Variants in HTR3B observed in about 807,000 individuals in gnomAD.
HTR3B encodes 5-hydroxytryptamine (serotonin) receptor 3B, ionotropic.
HTR3B carries 44 observed loss-of-function variants against 42.8 expected under a neutral mutation model. That is an observed-to-expected ratio of 1.03 (90% CI 0.81 to 1.32). HTR3B has a LOEUF of 1.32. Among genes scored for constraint, HTR3B ranks in the 40% most tolerant of loss-of-function variants. The pLI, the probability that HTR3B is intolerant of heterozygous loss-of-function variation, is 0.00. For synonymous variants in HTR3B, 203 were observed against 209.0 expected, an observed-to-expected ratio of 0.97 and a Z score of 0.25; for missense variants, 527 against 536.5, an observed-to-expected ratio of 0.98 and a Z score of 0.17.
intron 2 of HTR3B, among the ~76,000 whole-genome samples, chr11:113,918,268 CGTGT>C (rs60519849): frequency 2.0e-3 from 301 of 146,972 alleles, no homozygotes; most frequent in Admixed American, 3.2e-3. Flanking sequence ...TGTGTGTACT[CGTGT>C]GTGTGTGTGT....
At chr11:113,916,490 T>G (rs1263951569) in intron 2 of HTR3B, among the ~76,000 whole-genome samples, 7 of 152,234 alleles carry the variant, frequency 4.6e-5, no homozygotes, top group Non-Finnish European at 7.3e-5. Flanking sequence ...GTGAATCTTC[T>G]AATCTCGTTC....
In HTR3B at chr11:113,933,009, C is replaced by T. The variant is rs1297048661; in HGVS notation, c.612C>T (p.Asp204=). The T allele has an allele frequency of 1.2e-5, 20 of 1,614,024 alleles. No homozygotes were observed. Among genetic ancestry groups the T allele is most frequent in the Non-Finnish European group, 1.7e-5 (20 of 1,179,998 alleles). The part of the protein sequence containing the change: ...IQHDKKAFLN[D]SEWELLSVSS... ...ATGACAAAAAGGCGTTTTTGAATGA[C>T]AGTGAGTGGGAACTTCTATCTGTGT... The change falls in exon 6 of 9, where the codon GAC becomes GAT. Residue 204 remains aspartate (D), a synonymous_variant. Transcript: ENST00000260191.
At chr11:113,938,458 T>C (rs1478398321) in intron 6 of HTR3B, among the ~76,000 whole-genome samples, 1 of 152,096 alleles carries the variant, frequency 6.6e-6, no homozygotes, top group Non-Finnish European at 1.5e-5. Context: ...GCAAAATTTC[T>C]CTCCTGCAAC....
intron 2 of HTR3B, among the ~76,000 whole-genome samples, chr11:113,920,445 G>A (rs1003868274): frequency 1.3e-5 from 2 of 151,580 alleles, no homozygotes; most frequent in South Asian, 2.1e-4. Context: ...GCATGATCTC[G>A]GCTCACAGTA....
chr11:113,943,237 T>G, intron 7 of HTR3B, 45 bp downstream of exon 7: 1 of 1,469,344 alleles, frequency 6.8e-7, no homozygotes, highest in Non-Finnish European at 9.4e-7. Context: ...ACATGACCCC[T>G]GTGAAAGATC....
At chr11:113,945,171 G>C (rs548841194) in intron 8 of HTR3B, among the ~76,000 whole-genome samples, 1 of 152,140 alleles carries the variant, frequency 6.6e-6, no homozygotes, top group Non-Finnish European at 1.5e-5. Flanking sequence ...ATCTCGCTCT[G>C]TCGCCCAGGC....
At chr11:113,928,447 A>G (rs753027386) in intron 2 of HTR3B, among the ~76,000 whole-genome samples, 1 of 152,204 alleles carries the variant, frequency 6.6e-6, no homozygotes, top group Non-Finnish European at 1.5e-5. Context: ...TTTAAGTGGA[A>G]TCAGGCAGTA....
At chr11:113,913,460 C>T (rs962479980) in intron 2 of HTR3B, among the ~76,000 whole-genome samples, 1 of 145,240 alleles carries the variant, frequency 6.9e-6, no homozygotes, top group African/African-American at 2.6e-5. Flanking sequence ...ATCCGCCTGC[C>T]TTGGCCTCCC....
intron 6 of HTR3B, among the ~76,000 whole-genome samples, chr11:113,940,583 TG>T (rs1215620545): frequency 6.6e-6 from 1 of 152,234 alleles, no homozygotes; most frequent in African/African-American, 2.4e-5. Flanking sequence ...TGCAAAGCAG[TG>T]AGTGTCGCTC....
At chr11:113,906,729 C>G (rs1949737151) in intron 1 of HTR3B, among the ~76,000 whole-genome samples, 1 of 152,162 alleles carries the variant, frequency 6.6e-6, no homozygotes, top group African/African-American at 2.4e-5. Flanking sequence ...CCTTCACTTG[C>G]AAGCTTCATG....
intron 2 of HTR3B, among the ~76,000 whole-genome samples, chr11:113,918,492 A>G (rs1237412675): frequency 6.6e-6 from 1 of 152,026 alleles, no homozygotes; most frequent in Admixed American, 6.6e-5. Flanking sequence ...TATTATATAA[A>G]TGGAATCATA....
chr11:113,907,115 T>C (rs1949739747), intron 1 of HTR3B, among the ~76,000 whole-genome samples: 1 of 152,188 alleles, frequency 6.6e-6, no homozygotes, highest in Non-Finnish European at 1.5e-5. Context: ...GTTCTTATCT[T>C]CCTCCTTTTC....
rs141929936 is a variant in HTR3B at position 113,917,432 on chromosome 11, C to T, written c.213+7977C>T. Among the ~76,000 whole-genome samples, 471 of 152,124 alleles carry T rather than the reference C, an allele frequency of 3.1e-3. 4 individuals carry two copies. Among genetic ancestry groups the T allele is most frequent in the African/African-American group, 0.011 (436 of 41,484 alleles). ...ACAGCCGTGAGCCACTGCACCCGGCCGAAATCTTCTATTTTTTTTCTTCCA... is the reference window on the plus strand; with the variant it reads ...ACAGCCGTGAGCCACTGCACCCGGCTGAAATCTTCTATTTTTTTTCTTCCA... On this transcript the variant is annotated intron_variant, in intron 2 of 8. Coordinates refer to ENST00000260191, the MANE Select transcript of HTR3B (RefSeq NM_006028.5).
intron 2 of HTR3B, among the ~76,000 whole-genome samples, chr11:113,922,638 C>T (rs1435010054): frequency 6.6e-6 from 1 of 152,104 alleles, no homozygotes; most frequent in Non-Finnish European, 1.5e-5. Flanking sequence ...TCACTACAAG[C>T]TCCGCCTCCT....
At chr11:113,913,564 G>T (rs546306058) in intron 2 of HTR3B, among the ~76,000 whole-genome samples, 17 of 151,336 alleles carry the variant, frequency 1.1e-4, no homozygotes, top group Non-Finnish European at 2.1e-4. Flanking sequence ...ACCCAGGCTG[G>T]AGTGCAATGG....
At chr11:113,933,748 C>T (rs942405648) in intron 6 of HTR3B, among the ~76,000 whole-genome samples, 5 of 152,134 alleles carry the variant, frequency 3.3e-5, no homozygotes, top group East Asian at 1.9e-4. Context: ...CAGTGAAGCC[C>T]GCTGATTTGT....
At chr11:113,924,558 G>A (rs562259052) in intron 2 of HTR3B, among the ~76,000 whole-genome samples, 1 of 149,106 alleles carries the variant, frequency 6.7e-6, no homozygotes, top group Admixed American at 6.8e-5. Flanking sequence ...CTGGGAGGTT[G>A]AGGCTGCAGT....
At chr11:113,909,821 A>C (rs1280150641) in intron 2 of HTR3B, among the ~76,000 whole-genome samples, 2 of 152,014 alleles carry the variant, frequency 1.3e-5, no homozygotes, top group African/African-American at 4.8e-5. Context: ...TGTCTGTACC[A>C]AAAATACAAA....
At position 113,932,647 on chromosome 11, in the gene HTR3B, T is replaced by C. The variant is rs2276306; in HGVS notation, c.538+189T>C. The stretch of plus-strand genomic sequence containing the variant: ...GATGCTGTAGGCCCCCATAGTTGTT[T>C]TGGAAACAGTGTTAGGCCTCTACTG... On this transcript the variant is annotated intron_variant, in intron 5 of 8. Transcript: ENST00000260191. Among the ~76,000 whole-genome samples, 382 of 72,724 alleles carry C rather than the reference T, an allele frequency of 5.3e-3. 10 individuals carry two copies. In the East Asian group the frequency reaches 0.11, roughly 21 times the overall value. The allele number at this position is 72,724 out of a possible 152,430, so 47.7% of individuals were successfully genotyped here.
Sources: gnomAD v4.1 joint callset for allele counts (sites outside exome capture counted in the v4.1 genomes callset) on GRCh38, gnomAD v4.1.1 for gene constraint, MANE v1.5 for transcripts, NCBI Gene and HGNC (gene_info 2026-07-23, HGNC 2026-07-21) for gene names.